Variants in SLC29A4 observed in about 807,000 individuals in gnomAD.
SLC29A4 encodes equilibrative nucleoside transporter 4.
Under a neutral mutation model 43.9 loss-of-function variants are expected in SLC29A4, and 36 were observed. The observed-to-expected ratio is 0.82, with a 90% CI of 0.63 to 1.08. SLC29A4 has a LOEUF of 1.08. Ranked by LOEUF, SLC29A4 falls within the 50% of genes least tolerant of loss-of-function variation. The pLI is 0.00. For missense variants in SLC29A4, 869 were observed against 755.3 expected (o/e 1.15, Z -1.77); for synonymous variants, 491 against 338.0 (o/e 1.45, Z -4.97).
At position 5,306,367 on chromosome 7, in the gene SLC29A4, G is replaced by C. The variant is rs1384131310; in HGVS notation, c.*3428G>C. On this transcript the variant is annotated 3_prime_UTR_variant, in exon 11 of 11. Transcript: ENST00000396872. ...GGGCCACCACACCCGGCTAATTTTT[G>C]TATTTTTAGTAGAGACGGGGTTTCA... 1.3e-5 allele frequency: 2 copies of C among 151,184 alleles called. No individual in the cohort carries two copies. The highest frequency in any genetic ancestry group is 4.9e-5 in the African/African-American group (2 of 41,060). The allele number at this position is 151,184 out of a possible 1,614,324, so 9.4% of individuals were successfully genotyped here. A position where few individuals can be genotyped will look rare whatever the true frequency, so the allele number is the denominator to read the frequency against.
intron 5 of SLC29A4, among the ~76,000 whole-genome samples, chr7:5,292,768 A>T (rs1470344222): frequency 7.7e-6 from 1 of 129,926 alleles, no homozygotes; most frequent in Admixed American, 9.3e-5. Context: ...GCACCATCTC[A>T]ACTCACTGCA....
At chr7:5,294,720 C>T (rs1181592822) in intron 5 of SLC29A4, 140 bp from the exon 6 acceptor site, 4 of 826,014 alleles carry the variant, frequency 4.8e-6, no homozygotes, top group East Asian at 5.0e-5. Context: ...CCTACTGCTG[C>T]GTGTCAAATC....
intron 5 of SLC29A4, among the ~76,000 whole-genome samples, chr7:5,292,152 C>T (rs1785351807): frequency 6.6e-6 from 1 of 152,192 alleles, no homozygotes; most frequent in Non-Finnish European, 1.5e-5. Context: ...ACTTTGTCAC[C>T]CAGGCTAGAG....
At chr7:5,299,207 C>G in intron 8 of SLC29A4, 33 bp from the exon 9 acceptor site, 1 of 1,600,414 alleles carries the variant, frequency 6.2e-7, no homozygotes, top group Non-Finnish European at 8.5e-7. Context: ...TCCCCGTGGG[C>G]GCTGCCTCTG....
intron 2 of SLC29A4, among the ~76,000 whole-genome samples, chr7:5,289,842 G>GGA (rs1785192622): frequency 6.6e-6 from 1 of 152,200 alleles, no homozygotes; most frequent in African/African-American, 2.4e-5. Context: ...TTCCCCAGAA[G>GGA]GACAGGCAAA....
intron 6 of SLC29A4, 70 bp from the exon 7 acceptor site, chr7:5,296,866 G>C: frequency 6.8e-7 from 1 of 1,463,700 alleles, no homozygotes; most frequent in East Asian, 2.4e-5. Context: ...TGTGGACGGG[G>C]CTGGGGCGGG....
intron 9 of SLC29A4, among the ~76,000 whole-genome samples, chr7:5,299,921 G>T (rs929314991): frequency 6.6e-5 from 10 of 152,220 alleles, no homozygotes; most frequent in African/African-American, 2.4e-4. Flanking sequence ...ACGTGGTGGA[G>T]CGTGCCTATA....
chr7:5,302,810 C>T lies in SLC29A4; in HGVS notation c.1464C>T (p.Thr488=), dbSNP rs756862104. The T allele has an allele frequency of 2.5e-5, 39 of 1,561,536 alleles. No homozygotes were observed. The Middle Eastern group carries it at 1.3e-3, about 52-fold the overall frequency. Residue 488 remains threonine, a synonymous_variant, in exon 11 of 11, where the codon ACC becomes ACT. Transcript: ENST00000396872. ...KQRELAGNTM[T]VSYMSGLTLG... is the part of the protein sequence containing the mutation. ...TGTTGTCCACAGGGAACACCATGAC[C>T]GTGTCCTACATGTCAGGGCTGACGC...
chr7:5,288,943 G>A (rs558819751), intron 2 of SLC29A4, among the ~76,000 whole-genome samples: 4 of 152,174 alleles, frequency 2.6e-5, no homozygotes, highest in South Asian at 2.1e-4. Flanking sequence ...TGTGACCCTC[G>A]GTGTCTTCTT....
intron 1 of SLC29A4, among the ~76,000 whole-genome samples, chr7:5,283,572 C>T (rs1291341217): frequency 5.3e-5 from 8 of 152,128 alleles, no homozygotes; most frequent in Non-Finnish European, 1.2e-4. Context: ...GGCAGAAAGG[C>T]GCGGCGACCC....
intron 2 of SLC29A4, among the ~76,000 whole-genome samples, chr7:5,288,644 CGTT>C (rs151040669): frequency 0.025 from 3,825 of 152,176 alleles, 200 homozygotes; most frequent in African/African-American, 0.087. Flanking sequence ...TGGTCACACT[CGTT>C]GGCCAAAGCA....
rs1784739057 is a variant in SLC29A4, at chr7:5,283,023, G to T, written c.-68G>T. On this transcript the variant is annotated 5_prime_UTR_variant, in exon 1 of 11. Transcript: ENST00000396872. Reference sequence around the variant, plus strand: ...GGACGCCGGGCGCGCCCGGCCCGAGGCTGGGGGAGCGGGGCGGCGTGGCGG... The same window carrying T: ...GGACGCCGGGCGCGCCCGGCCCGAGTCTGGGGGAGCGGGGCGGCGTGGCGG... 7.0e-6 allele frequency: 1 copy of T among 142,646 alleles called. No homozygotes were observed. Among genetic ancestry groups the T allele is most frequent in the Non-Finnish European group, 1.6e-5 (1 of 63,852 alleles). The allele number at this position is 142,646 out of a possible 1,614,324, so 8.8% of individuals were successfully genotyped here. A position where few individuals can be genotyped will look rare whatever the true frequency, so the allele number is the denominator to read the frequency against.
chr7:5,297,757 C>T (rs1225024094), intron 7 of SLC29A4, among the ~76,000 whole-genome samples: 1 of 152,158 alleles, frequency 6.6e-6, no homozygotes, highest in Non-Finnish European at 1.5e-5. Flanking sequence ...AGTCGCCAGC[C>T]AGGAAAGGGA....
chr7:5,285,059 C>T (rs1229004523), intron 1 of SLC29A4, among the ~76,000 whole-genome samples: 1 of 152,200 alleles, frequency 6.6e-6, no homozygotes, highest in Admixed American at 6.5e-5. Context: ...GTCACCCTGA[C>T]ACCATCCCCT....
In SLC29A4 at chr7:5,303,206, C is replaced by T. The variant is rs533107382; in HGVS notation, c.*267C>T. 84 of 546,850 alleles carry T rather than the reference C, an allele frequency of 1.5e-4. 1 individual carries two copies. Among genetic ancestry groups the T allele is most frequent in the Non-Finnish European group, 1.9e-4 (59 of 306,366 alleles). The allele number at this position is 546,850 out of a possible 1,614,324, so 33.9% of individuals were successfully genotyped here. On this transcript the variant is annotated 3_prime_UTR_variant, in exon 11 of 11. Coordinates refer to ENST00000396872, the MANE Select transcript of SLC29A4 (RefSeq NM_153247.4). Reference sequence around the variant, plus strand: ...TCTCATACCTGCGTCTACCTTCCATCTGTGTCCAGCGGCCCCGGCTCCAGC... The same window carrying T: ...TCTCATACCTGCGTCTACCTTCCATTTGTGTCCAGCGGCCCCGGCTCCAGC...
chr7:5,293,744 G>A (rs917406501), intron 5 of SLC29A4, among the ~76,000 whole-genome samples: 4 of 152,104 alleles, frequency 2.6e-5, no homozygotes, highest in Non-Finnish European at 5.9e-5. Context: ...TCATGGGCTC[G>A]AGGGAGAGGC....
At position 5,303,254 on chromosome 7, in the gene SLC29A4, A is replaced by T. The variant is rs1455567594; in HGVS notation, c.*315A>T. On this transcript the variant is annotated 3_prime_UTR_variant, in exon 11 of 11. Transcript: ENST00000396872. ...AGCCCAGCCAGCACTCTGCAGGGTCACACGCACCGTGTCCCCACCCAGGAC... is the reference window on the plus strand; with the variant it reads ...AGCCCAGCCAGCACTCTGCAGGGTCTCACGCACCGTGTCCCCACCCAGGAC... 2.2e-6 allele frequency: 1 copy of T among 445,674 alleles called. No homozygotes were observed. The highest frequency in any genetic ancestry group is 4.1e-6 in the Non-Finnish European group (1 of 244,350). The allele number at this position is 445,674 out of a possible 1,614,324, so 27.6% of individuals were successfully genotyped here.
intron 8 of SLC29A4, 39 bp from the exon 9 acceptor site, chr7:5,299,201 C>A (rs373160536): frequency 1.3e-6 from 2 of 1,599,000 alleles, no homozygotes; most frequent in African/African-American, 1.3e-5. Context: ...CAGGGGTCCC[C>A]GTGGGCGCTG....
chr7:5,296,758 G>A (rs1468617925), intron 6 of SLC29A4, among the ~76,000 whole-genome samples, 178 bp from the exon 7 acceptor site: 2 of 131,556 alleles, frequency 1.5e-5, no homozygotes, highest in African/African-American at 6.7e-5. Flanking sequence ...TGATGGGCGG[G>A]GCCTGTGGGT....
Sources: allele counts gnomAD v4.1 joint callset (sites outside exome capture counted in the v4.1 genomes callset), GRCh38; gene constraint gnomAD v4.1.1; transcripts MANE v1.5; gene names NCBI Gene and HGNC (gene_info 2026-07-23, HGNC 2026-07-21).